DOCK3: variants seen among roughly 807,000 people sequenced by gnomAD.
DOCK3 encodes dedicator of cytokinesis protein 3.
DOCK3 carries 60 observed loss-of-function variants against 265.6 expected under a neutral mutation model. That is an observed-to-expected ratio of 0.23 (90% CI 0.18 to 0.28). The LOEUF is 0.28. DOCK3 is among the 10% of genes least tolerant of loss of function. The pLI is 1.00. For synonymous variants in DOCK3, 881 were observed against 938.0 expected (o/e 0.94, Z 1.11); for missense variants, 1,981 against 2,594.3 (o/e 0.76, Z 5.14).
At chr3:51,224,875 T>A (rs1345334473) in intron 14 of DOCK3, among the ~76,000 whole-genome samples, 1 of 152,192 alleles carries the variant, frequency 6.6e-6, no homozygotes, top group Admixed American at 6.6e-5. Context: ...CTCATCACCC[T>A]AAAAAGGAAG....
intron 5 of DOCK3, among the ~76,000 whole-genome samples, chr3:50,960,798 T>C (rs1449217962): frequency 6.6e-6 from 1 of 152,200 alleles, no homozygotes; most frequent in Non-Finnish European, 1.5e-5. Context: ...CTAAGACTTT[T>C]ATAATAATAG....
At chr3:50,908,295 C>T (rs2049658202) in intron 4 of DOCK3, among the ~76,000 whole-genome samples, 1 of 147,468 alleles carries the variant, frequency 6.8e-6, no homozygotes, top group African/African-American at 2.5e-5. Context: ...CTTGATTCTA[C>T]AGTTCTTTTA....
intron 1 of DOCK3, among the ~76,000 whole-genome samples, chr3:50,746,109 ATT>A (rs562706919): frequency 5.2e-5 from 7 of 135,446 alleles, no homozygotes; most frequent in Admixed American, 7.6e-5. Flanking sequence ...ATGATGTCTA[ATT>A]TTTTTTTTTT....
At chr3:50,699,884 G>A (rs2035922760) in intron 1 of DOCK3, among the ~76,000 whole-genome samples, 1 of 152,152 alleles carries the variant, frequency 6.6e-6, no homozygotes, top group African/African-American at 2.4e-5. Context: ...TGGAATACAT[G>A]TGATATTTTG....
In DOCK3 at chr3:50,959,558, G is replaced by GTGTA. The variant is rs1197225474; in HGVS notation, c.315+25482_315+25483insGTAT. ...TGTGTGTGTGTGTGTGTGTGTGTGT[G>GTGTA]TATATATATATAAAATTTATTTATT... is the stretch of plus-strand genomic sequence containing the variant. On this transcript the variant is annotated intron_variant, in intron 5 of 52. Coordinates refer to ENST00000266037, the MANE Select transcript of DOCK3 (RefSeq NM_004947.5). Among the ~76,000 whole-genome samples the GTGTA allele has an allele frequency of 1.5e-3, 215 of 139,496 alleles. 1 individual carries two copies. The highest frequency in any genetic ancestry group is 0.015 in the East Asian group (69 of 4,480). 91.5% of individuals were successfully genotyped at this position (139,496 alleles called of 152,430 possible).
chr3:51,182,565 G>A (rs778028804), intron 12 of DOCK3, among the ~76,000 whole-genome samples: 22 of 152,182 alleles, frequency 1.4e-4, no homozygotes, highest in Admixed American at 2.6e-4. Flanking sequence ...CTTGCTAATA[G>A]AGAAATAGGT....
intron 2 of DOCK3, among the ~76,000 whole-genome samples, chr3:50,783,704 A>G (rs2042039534): frequency 6.6e-6 from 1 of 151,986 alleles, no homozygotes; most frequent in African/African-American, 2.4e-5. Flanking sequence ...TTTTAGTTTA[A>G]GTAAGTCCCA....
intron 11 of DOCK3, among the ~76,000 whole-genome samples, chr3:51,159,959 A>T (rs1361376742): frequency 2.6e-5 from 4 of 152,212 alleles, no homozygotes; most frequent in Non-Finnish European, 1.5e-5. Context: ...CCTTGCCAAC[A>T]AAACAGCTAT....
At chr3:51,312,368 A>C (rs2083121531) in intron 29 of DOCK3, 108 bp from the exon 30 acceptor site, 1 of 1,052,902 alleles carries the variant, frequency 9.5e-7, no homozygotes, top group African/African-American at 1.6e-5. Flanking sequence ...AAAAATGAGG[A>C]TCTTAAGATT....
intron 1 of DOCK3, among the ~76,000 whole-genome samples, chr3:50,728,154 A>C (rs1472522258): frequency 6.6e-6 from 1 of 152,220 alleles, no homozygotes; most frequent in African/African-American, 2.4e-5. Context: ...GAAACTTTCA[A>C]ATATTTGGAA....
rs114781530 is a variant in DOCK3, at chr3:51,363,118, A to G, written c.5293+444A>G. Among the ~76,000 whole-genome samples, 646 of 152,374 alleles carry G rather than the reference A, an allele frequency of 4.2e-3. 4 individuals carry two copies. Among genetic ancestry groups the G allele is most frequent in the African/African-American group, 0.015 (616 of 41,596 alleles). On this transcript the variant is annotated intron_variant, in intron 49 of 52. Coordinates refer to ENST00000266037, the MANE Select transcript of DOCK3 (RefSeq NM_004947.5). ...AACAGCAACCAAAAAATTTTTCTTC[A>G]GTTGGGAAAGGCTTTCTCAGGAGAG...
At chr3:50,734,852 C>T (rs957998115) in intron 1 of DOCK3, among the ~76,000 whole-genome samples, 1 of 152,146 alleles carries the variant, frequency 6.6e-6, no homozygotes, top group South Asian at 2.1e-4. Flanking sequence ...ATCTGCCTGC[C>T]TTGGCCTCCC....
At chr3:50,796,282 C>T (rs1351692888) in intron 2 of DOCK3, among the ~76,000 whole-genome samples, 3 of 151,820 alleles carry the variant, frequency 2.0e-5, no homozygotes, top group African/African-American at 7.3e-5. Context: ...CCGCCCCCCT[C>T]GGCCTCCCAA....
chr3:51,021,661 C>CTTTTTTTTTTTTTTT lies in DOCK3; in HGVS notation c.316-42775_316-42774insTTTTTTTTTTTTTTT, dbSNP rs61097732. 4.2e-5 allele frequency among the ~76,000 whole-genome samples: 6 copies of CTTTTTTTTTTTTTTT among 142,818 alleles called. 2 individuals carry two copies. The highest frequency in any genetic ancestry group is 7.0e-5 in the Admixed American group (1 of 14,238). 93.7% of individuals were successfully genotyped at this position (142,818 alleles called of 152,430 possible). A position where few individuals can be genotyped will look rare whatever the true frequency, so the allele number is the denominator to read the frequency against. The stretch of plus-strand genomic sequence containing the variant: ...AATAGATAATTTCTGGGAGAACTTC[C>CTTTTTTTTTTTTTTT]TTTTTTTTTTTTCTTTTTGAGACGG... On this transcript the variant is annotated intron_variant, in intron 5 of 52. Transcript: ENST00000266037.
chr3:51,070,099 G>GAC lies in DOCK3; in HGVS notation c.465-5254_465-5253dup, dbSNP rs1193184750. On this transcript the variant is annotated intron_variant, in intron 6 of 52. Transcript: ENST00000266037. Reference sequence around the variant, plus strand: ...ACTGACTAACACACACTGTTACACAGACACTCTTTTGGCATTTTTTGCTTA... The same window carrying GAC: ...ACTGACTAACACACACTGTTACACAGACACACTCTTTTGGCATTTTTTGCTTA... Among the ~76,000 whole-genome samples, 4 of 152,262 alleles carry GAC rather than the reference G, an allele frequency of 2.6e-5. No homozygotes were observed. In the East Asian group the frequency reaches 5.8e-4, roughly 22 times the overall value.
intron 32 of DOCK3, among the ~76,000 whole-genome samples, chr3:51,315,945 T>C (rs965363689): frequency 6.6e-6 from 1 of 152,182 alleles, no homozygotes; most frequent in Non-Finnish European, 1.5e-5. Context: ...CTATTTAGAA[T>C]AGGTGACTGT....
intron 32 of DOCK3, 41 bp from the exon 33 acceptor site, chr3:51,330,097 T>G (rs1444815865): frequency 1.9e-6 from 3 of 1,554,146 alleles, no homozygotes; most frequent in South Asian, 2.4e-5. Context: ...ATTCTTTTTC[T>G]GAGGTCATCT....
At chr3:51,132,744 G>A (rs968060573) in intron 9 of DOCK3, among the ~76,000 whole-genome samples, 10 of 152,172 alleles carry the variant, frequency 6.6e-5, no homozygotes, top group African/African-American at 2.2e-4. Flanking sequence ...GGTGTCTACT[G>A]TTAAAGTGAG....
rs1166606812 is a variant in DOCK3 at position 51,101,161 on chromosome 3, C to T, written c.746+10777C>T. On this transcript the variant is annotated intron_variant, in intron 9 of 52. Coordinates refer to ENST00000266037, the MANE Select transcript of DOCK3 (RefSeq NM_004947.5). Reference sequence around the variant, plus strand: ...CGGAGTCTCACTCTGTCGCCCAGGCCGGACTGCGGACTGCAGTGGCGCAAT... The same window carrying T: ...CGGAGTCTCACTCTGTCGCCCAGGCTGGACTGCGGACTGCAGTGGCGCAAT... Among the ~76,000 whole-genome samples, 112 of 147,806 alleles carry T rather than the reference C, an allele frequency of 7.6e-4. 1 individual carries two copies. The highest frequency in any genetic ancestry group is 2.7e-3 in the African/African-American group (107 of 39,846).
Sources: allele counts gnomAD v4.1 joint callset (sites outside exome capture counted in the v4.1 genomes callset), GRCh38; gene constraint gnomAD v4.1.1; transcripts MANE v1.5; gene names NCBI Gene and HGNC (gene_info 2026-07-23, HGNC 2026-07-21).